PCGF3: variants seen among roughly 807,000 people sequenced by gnomAD.
PCGF3 encodes the protein polycomb group RING finger protein 3.
A neutral mutation model predicts 33.1 loss-of-function variants in PCGF3; 7 were observed. That is an observed-to-expected ratio of 0.21 (90% CI 0.12 to 0.40). PCGF3 has a LOEUF of 0.40. Among genes scored for constraint, PCGF3 ranks in the 10% least tolerant of loss-of-function variants. The pLI, the probability that PCGF3 is intolerant of heterozygous loss-of-function variation, is 1.00. For missense variants in PCGF3, 211 were observed against 313.3 expected, an observed-to-expected ratio of 0.67 and a Z score of 2.46; for synonymous variants, 153 against 121.3, an observed-to-expected ratio of 1.26 and a Z score of -1.72.
At chr4:760,222 G>A (rs1577444334) in intron 8 of PCGF3, among the ~76,000 whole-genome samples, 3 of 152,280 alleles carry the variant, frequency 2.0e-5, no homozygotes, top group Admixed American at 2.0e-4. Flanking sequence ...CTTCACTGTT[G>A]TGGGAGATCC....
intron 4 of PCGF3, chr4:734,131 G>T: frequency 6.4e-7 from 1 of 1,550,644 alleles, no homozygotes; most frequent in Non-Finnish European, 8.7e-7. Flanking sequence ...TCCTTCAAAG[G>T]GGAACCTTCC....
Position 742,914 on chromosome 4 carries a change from G to A in PCGF3, c.263-560G>A, listed in dbSNP as rs145604307. On this transcript the variant is annotated intron_variant, in intron 6 of 10. Coordinates refer to ENST00000362003, the Ensembl canonical transcript of PCGF3. Reference sequence around the variant, plus strand: ...GGCGCCTGGGACACATGGTCCCCGGGGCTCTCGGGCCCTCGAGGGCTCTCT... The same window carrying A: ...GGCGCCTGGGACACATGGTCCCCGGAGCTCTCGGGCCCTCGAGGGCTCTCT... 8.9e-4 allele frequency among the ~76,000 whole-genome samples: 136 copies of A among 152,328 alleles called. 3 individuals are homozygous for A. The East Asian group carries it at 0.026, about 29-fold the overall frequency.
At chr4:768,331 G>A (rs1032727863) in exon 11 of PCGF3, 2 of 152,550 alleles carry the variant, frequency 1.3e-5, no homozygotes, top group Non-Finnish European at 2.9e-5. Context: ...GTCGTTGGAG[G>A]CTGGAGCGCA....
Position 727,233 on chromosome 4 carries a change from C to CTTTTTTTTTTTT in PCGF3, c.-189-3383_-189-3372dup, listed in dbSNP as rs57690550. 4.6e-3 allele frequency among the ~76,000 whole-genome samples: 286 copies of CTTTTTTTTTTTT among 61,898 alleles called. 47 individuals are homozygous for CTTTTTTTTTTTT. The highest frequency in any genetic ancestry group is 8.7e-3 in the South Asian group (10 of 1,144). 40.6% of individuals were successfully genotyped at this position (61,898 alleles called of 152,430 possible). A position where few individuals can be genotyped will look rare whatever the true frequency, so the allele number is the denominator to read the frequency against. On this transcript the variant is annotated intron_variant, in intron 1 of 10. Coordinates refer to ENST00000362003, the Ensembl canonical transcript of PCGF3. ...AGAGGATGTGTGTGTTAGCGAGCGT[C>CTTTTTTTTTTTT]TTTTTTTTTTTTTTTTTTTTTTTTT...
chr4:735,320 G>A (rs929094947), intron 5 of PCGF3, among the ~76,000 whole-genome samples: 3 of 152,222 alleles, frequency 2.0e-5, no homozygotes, highest in Admixed American at 6.5e-5. Context: ...GCCGACACAG[G>A]CAGATCACCT....
At chr4:731,588 C>G in intron 3 of PCGF3, among the ~76,000 whole-genome samples, 1 of 67,274 alleles carries the variant, frequency 1.5e-5, no homozygotes, top group Non-Finnish European at 3.2e-5. Context: ...GGTCCTCGGG[C>G]ATAGGGCGGG....
At chr4:767,820 G>A (rs1214585766) in exon 11 of PCGF3, 1 of 152,464 alleles carries the variant, frequency 6.6e-6, no homozygotes, top group Non-Finnish European at 1.5e-5. Flanking sequence ...ACTGTATAAG[G>A]GTCTATGAGT....
chr4:759,845 C>T (rs1258946540), intron 8 of PCGF3, among the ~76,000 whole-genome samples: 3 of 51,674 alleles, frequency 5.8e-5, no homozygotes, highest in Admixed American at 1.7e-4. Flanking sequence ...TCTTTCTCCC[C>T]GCGCGGCCCC....
chr4:750,456 C>G (rs965527536), intron 8 of PCGF3, among the ~76,000 whole-genome samples: 1 of 152,192 alleles, frequency 6.6e-6, no homozygotes, highest in Non-Finnish European at 1.5e-5. Context: ...GGTGGGTAAA[C>G]AAGCGGACCC....
intron 8 of PCGF3, among the ~76,000 whole-genome samples, chr4:753,600 G>C (rs1027163777): frequency 6.7e-6 from 1 of 150,208 alleles, no homozygotes; most frequent in Non-Finnish European, 1.5e-5. Context: ...CCGAGATCAC[G>C]CCACTGCACT....
chr4:765,215 C>G (rs1325970069), intron 10 of PCGF3, 151 bp downstream of exon 10: 2 of 586,876 alleles, frequency 3.4e-6, no homozygotes, highest in South Asian at 1.9e-5. Flanking sequence ...GGGCGGATCA[C>G]GAGGTCAGGA....
At chr4:710,149 C>G (rs1478020401) in intron 1 of PCGF3, among the ~76,000 whole-genome samples, 1 of 152,174 alleles carries the variant, frequency 6.6e-6, no homozygotes, top group Non-Finnish European at 1.5e-5. Context: ...CCGATGATAA[C>G]TTACTGTTTC....
At chr4:725,005 T>C (rs1743266095) in intron 1 of PCGF3, 1 of 152,104 alleles carries the variant, frequency 6.6e-6, no homozygotes, top group Non-Finnish European at 1.5e-5. Context: ...TTAGTGTTGA[T>C]AAATCTGCCT....
chr4:738,385 A>AG (rs1743929174), intron 6 of PCGF3, among the ~76,000 whole-genome samples: 1 of 152,250 alleles, frequency 6.6e-6, no homozygotes. Context: ...AGAAACAATT[A>AG]GTCTTTTAAT....
intron 1 of PCGF3, among the ~76,000 whole-genome samples, chr4:710,779 C>G (rs966352871): frequency 2.6e-5 from 4 of 152,232 alleles, no homozygotes; most frequent in Admixed American, 1.3e-4. Flanking sequence ...GTGTGTGTCA[C>G]TGATGTCAAA....
At chr4:732,853 A>G (rs1577413041) in intron 3 of PCGF3, among the ~76,000 whole-genome samples, 1 of 152,304 alleles carries the variant, frequency 6.6e-6, no homozygotes, top group African/African-American at 2.4e-5. Flanking sequence ...CCGCACGCGG[A>G]GCGGCCCTGC....
chr4:727,233 C>CTTTTT (rs57690550), intron 1 of PCGF3, among the ~76,000 whole-genome samples: 7,637 of 61,828 alleles, frequency 0.12, 1,312 homozygotes, highest in Non-Finnish European at 0.16. Flanking sequence ...TAGCGAGCGT[C>CTTTTT]TTTTTTTTTT....
exon 11 of PCGF3, chr4:766,141 G>C: frequency 7.1e-7 from 1 of 1,411,368 alleles, no homozygotes; most frequent in Non-Finnish European, 1.0e-6. Context: ...CGGCCGCCGC[G>C]CTTAAGAACA....
chr4:755,324 G>A (rs566605625), intron 8 of PCGF3, among the ~76,000 whole-genome samples: 4 of 151,984 alleles, frequency 2.6e-5, no homozygotes, highest in African/African-American at 4.8e-5. Flanking sequence ...AGTCTCCTGT[G>A]TGTGGGGTGT....
Sources: gnomAD v4.1 joint callset for allele counts (sites outside exome capture counted in the v4.1 genomes callset) on GRCh38, gnomAD v4.1.1 for gene constraint, MANE v1.5 for transcripts, NCBI Gene and HGNC (gene_info 2026-07-23, HGNC 2026-07-21) for gene names.